DPH6: variants seen among roughly 807,000 people sequenced by gnomAD.
The protein encoded by DPH6 is diphthine--ammonia ligase.
DPH6 carries 33 observed loss-of-function variants against 38.2 expected under a neutral mutation model. The ratio of observed to expected loss-of-function variants is 0.86; its 90% CI spans 0.65 to 1.15. The LOEUF is 1.15. DPH6 is among the 50% of genes most tolerant of loss of function. The pLI is 0.00. For synonymous variants in DPH6, 108 were observed against 103.0 expected (o/e 1.05, Z -0.30); for missense variants, 325 against 320.0 (o/e 1.02, Z -0.12).
intron 3 of DPH6, among the ~76,000 whole-genome samples, chr15:35,228,684 T>C (rs1010957783): frequency 6.6e-6 from 1 of 152,206 alleles, no homozygotes; most frequent in Non-Finnish European, 1.5e-5. Flanking sequence ...TTATTGCTCA[T>C]TAACGCCCTT....
intron 3 of DPH6, among the ~76,000 whole-genome samples, chr15:35,324,622 G>T (rs932823198): frequency 5.3e-5 from 8 of 152,166 alleles, no homozygotes; most frequent in African/African-American, 1.9e-4. Flanking sequence ...GTCACTGAAA[G>T]TGAGAACATA....
the DPH6 span, among the ~76,000 whole-genome samples, chr15:35,159,144 G>A: frequency 1.3e-5 from 2 of 151,964 alleles, no homozygotes; most frequent in East Asian, 3.9e-4. Context: ...CAGCTAATGA[G>A]CTTGCCTCTT....
intron 3 of DPH6, chr15:35,519,830 T>A (rs571500390): frequency 6.6e-6 from 1 of 152,234 alleles, no homozygotes; most frequent in East Asian, 1.9e-4. Flanking sequence ...GGAAATCTAC[T>A]AAGCCTGATA....
At chr15:35,325,108 G>T (rs902827957) in intron 3 of DPH6, among the ~76,000 whole-genome samples, 1 of 152,066 alleles carries the variant, frequency 6.6e-6, no homozygotes, top group Non-Finnish European at 1.5e-5. Flanking sequence ...AGCATCACAT[G>T]TGATTAAGTA....
chr15:35,470,257 G>T (rs2054180947), intron 3 of DPH6, among the ~76,000 whole-genome samples: 1 of 151,800 alleles, frequency 6.6e-6, no homozygotes, highest in Non-Finnish European at 1.5e-5. Flanking sequence ...AAGAACAGAG[G>T]GATAGACAGA....
chr15:35,350,390 A>T, intron 3 of DPH6, among the ~76,000 whole-genome samples: 1 of 145,326 alleles, frequency 6.9e-6, no homozygotes, highest in African/African-American at 2.6e-5. Flanking sequence ...AAACCAATTT[A>T]GTTTTGTTAA....
At chr15:35,257,062 G>C (rs1305549190) in intron 3 of DPH6, among the ~76,000 whole-genome samples, 1 of 152,168 alleles carries the variant, frequency 6.6e-6, no homozygotes, top group Non-Finnish European at 1.5e-5. Context: ...CTGGGGAAAA[G>C]AATGGCATCA....
chr15:35,237,299 C>T (rs552434308), intron 3 of DPH6: 6 of 1,562,246 alleles, frequency 3.8e-6, no homozygotes, highest in Non-Finnish European at 4.4e-6. Flanking sequence ...TCCAGCGGCG[C>T]GGGAGCCTCT....
chr15:35,284,018 G>A (rs66512234), intron 3 of DPH6, among the ~76,000 whole-genome samples: 4,549 of 152,186 alleles, frequency 0.03, 191 homozygotes, highest in African/African-American at 0.098. Context: ...TTTTAATCCA[G>A]TTCGGAGGGG....
intron 3 of DPH6, among the ~76,000 whole-genome samples, chr15:35,220,867 C>T (rs780448036): frequency 3.3e-5 from 5 of 152,108 alleles, no homozygotes; most frequent in African/African-American, 9.7e-5. Flanking sequence ...CTTATACATT[C>T]GTTTCAACCC....
At chr15:35,422,071 C>T (rs2053512475) in intron 5 of DPH6, among the ~76,000 whole-genome samples, 1 of 151,738 alleles carries the variant, frequency 6.6e-6, no homozygotes, top group African/African-American at 2.4e-5. Flanking sequence ...AGGTTTTTGG[C>T]TTTGAGCAAA....
At chr15:35,516,232 T>C (rs1193885896) in intron 3 of DPH6, among the ~76,000 whole-genome samples, 1 of 152,184 alleles carries the variant, frequency 6.6e-6, no homozygotes, top group African/African-American at 2.4e-5. Context: ...CTAAATTCTC[T>C]AAGAACCAGA....
At chr15:35,364,788 T>C (rs141826998) in intron 3 of DPH6, among the ~76,000 whole-genome samples, 10 of 152,152 alleles carry the variant, frequency 6.6e-5, no homozygotes, top group African/African-American at 2.4e-4. Flanking sequence ...ATAAGACTTC[T>C]TGAATCTATA....
At chr15:35,307,998 A>C (rs2052107748) in intron 3 of DPH6, among the ~76,000 whole-genome samples, 1 of 152,190 alleles carries the variant, frequency 6.6e-6, no homozygotes, top group South Asian at 2.1e-4. Flanking sequence ...CTGGTCAGCC[A>C]TGGTGGCTCA....
intron 3 of DPH6, among the ~76,000 whole-genome samples, chr15:35,264,756 G>A (rs2140421624): frequency 6.6e-6 from 1 of 152,248 alleles, no homozygotes; most frequent in South Asian, 2.1e-4. Flanking sequence ...CATTTACTGA[G>A]CTAGGTACTG....
In DPH6 at chr15:35,372,157, T is replaced by C. The variant is rs1244262370; in HGVS notation, c.797A>G (p.Asn266Ser). 3 of 1,521,780 alleles carry C rather than the reference T, an allele frequency of 2.0e-6. No homozygotes were observed. Among genetic ancestry groups the C allele is most frequent in the Non-Finnish European group, 1.8e-6 (2 of 1,137,746 alleles). The allele number at this position is 1,521,780 out of a possible 1,614,324, so 94.3% of individuals were successfully genotyped here. Residue 266 changes from asparagine to serine, a missense_variant, in exon 9 of 9, where the codon AAT becomes AGT. Coordinates refer to ENST00000256538, the MANE Select transcript of DPH6 (RefSeq NM_080650.4). ...AATGTTCCAAAACACTTTTCAAAAA[T>C]TATATATATAATTAGATGTTCTGTA... The part of the protein sequence containing the change: ...DNYRTSNYIY[N>S]F
At chr15:35,410,023 T>A (rs574202133) in intron 6 of DPH6, among the ~76,000 whole-genome samples, 1 of 151,808 alleles carries the variant, frequency 6.6e-6, no homozygotes, top group East Asian at 1.9e-4. Context: ...CCAAAAAAGG[T>A]AAAACCCATG....
At chr15:35,511,957 C>T (rs1167865230) in intron 3 of DPH6, among the ~76,000 whole-genome samples, 2 of 151,828 alleles carry the variant, frequency 1.3e-5, no homozygotes, top group Non-Finnish European at 2.9e-5. Context: ...AATAGTAGCA[C>T]TATAGTTTTG....
At chr15:35,434,620 G>A (rs59261660) in intron 5 of DPH6, among the ~76,000 whole-genome samples, 1 of 151,880 alleles carries the variant, frequency 6.6e-6, no homozygotes, top group Non-Finnish European at 1.5e-5. Context: ...ATAGAAAAGT[G>A]AAAATGAAAG....
Sources: gnomAD v4.1 joint callset for allele counts (sites outside exome capture counted in the v4.1 genomes callset) on GRCh38, gnomAD v4.1.1 for gene constraint, MANE v1.5 for transcripts, NCBI Gene and HGNC (gene_info 2026-07-23, HGNC 2026-07-21) for gene names.